Variants in LRRCC1 observed in about 807,000 individuals in gnomAD.
LRRCC1 encodes the protein leucine-rich repeat and coiled-coil domain-containing protein 1.
LRRCC1 carries 115 observed loss-of-function variants against 126.0 expected under a neutral mutation model. That is an observed-to-expected ratio of 0.91 (90% CI 0.78 to 1.07). The LOEUF (loss-of-function observed/expected upper bound fraction) is 1.07. LRRCC1 is among the 50% of genes least tolerant of loss of function. The pLI is 0.00. For synonymous variants in LRRCC1, 400 were observed against 393.4 expected, an observed-to-expected ratio of 1.02 and a Z score of -0.20; for missense variants, 1,172 against 1,175.7, an observed-to-expected ratio of 1.00 and a Z score of 0.05.
At position 85,131,911 on chromosome 8, in the gene LRRCC1, GAA is replaced by G; in HGVS notation, c.1921_1922del (p.Asn641Ter). ...DVLSQQYMDL[E>X]NEFRIALTVE... ...GTTAAGCCAGCAGTATATGGATTTA[GAA>G]AATGAATTCCGTATTGCTTTAACTG... is the stretch of plus-strand genomic sequence containing the variant. On this transcript the variant is annotated frameshift_variant, in exon 12 of 19. Transcript: ENST00000360375. LOFTEE classifies it high-confidence loss of function. The G allele has an allele frequency of 6.2e-7, 1 of 1,613,790 alleles. No homozygotes were observed. Among genetic ancestry groups the G allele is most frequent in the South Asian group, 1.1e-5 (1 of 91,008 alleles).
chr8:85,129,846 C>A, intron 10 of LRRCC1, 73 bp from the exon 11 acceptor site: 1 of 1,159,792 alleles, frequency 8.6e-7, no homozygotes, highest in Non-Finnish European at 1.2e-6. Flanking sequence ...TTAAAAGGTA[C>A]TTATGGAAAC....
At chr8:85,137,335 G>A (rs1226125243) in intron 14 of LRRCC1, 129 bp from the exon 15 acceptor site, 6 of 500,488 alleles carry the variant, frequency 1.2e-5, no homozygotes, top group African/African-American at 2.0e-5. Context: ...TCTTCATATT[G>A]TACTATTATA....
At chr8:85,131,681 A>T in intron 11 of LRRCC1, 79 bp from the exon 12 acceptor site, 1 of 1,065,090 alleles carries the variant, frequency 9.4e-7, no homozygotes, top group Non-Finnish European at 1.4e-6. Flanking sequence ...ATAGAATATT[A>T]AGAACTACGT....
In LRRCC1 at chr8:85,129,515, C is replaced by T. The variant is rs927237353; in HGVS notation, c.1626+136C>T. 1.8e-4 allele frequency: 126 copies of T among 701,652 alleles called. No individual in the cohort carries two copies. The African/African-American group carries it at 2.0e-3, about 11-fold the overall frequency. 43.5% of individuals were successfully genotyped at this position (701,652 alleles called of 1,614,324 possible). On this transcript the variant is annotated intron_variant, in intron 10 of 18. Coordinates refer to ENST00000360375, the MANE Select transcript of LRRCC1 (RefSeq NM_033402.5). ...AAAAATTAAATTGCTGTTAATTTAACGGTCACATAGCCTGTTGAATTATGT... is the reference window on the plus strand; with the variant it reads ...AAAAATTAAATTGCTGTTAATTTAATGGTCACATAGCCTGTTGAATTATGT...
At position 85,124,910 on chromosome 8, in the gene LRRCC1, C is replaced by A; in HGVS notation, c.1243C>A (p.Gln415Lys). The A allele has an allele frequency of 6.2e-7, 1 of 1,603,330 alleles. No individual in the cohort carries two copies. The change falls in exon 8 of 19, where the codon CAA becomes AAA. Residue 415 changes from glutamine (Q) to lysine (K), a missense_variant. Physicochemically the swap from Gln to Lys is moderately conservative, Grantham distance 53. Transcript: ENST00000360375. Reference sequence around the variant, plus strand: ...AAAGACTGAAATAATTAAAGTAGACCAAAGTCACTCAGAAGACAACACTTA... The same window carrying A: ...AAAGACTGAAATAATTAAAGTAGACAAAAGTCACTCAGAAGACAACACTTA... ...KPKTEIIKVD[Q>K]SHSEDNTYQS...
rs555420271 is a variant in LRRCC1 at position 85,109,747 on chromosome 8, T to C, written c.257T>C (p.Leu86Pro). ...QISRIEGLNT[L>P]TKLCTLNLSC... is the part of the protein sequence containing the mutation. Reference sequence around the variant, plus strand: ...AGTAGAATTGAAGGACTAAACACACTGACAAAACTGTGCACATTAAATTTG... The same window carrying C: ...AGTAGAATTGAAGGACTAAACACACCGACAAAACTGTGCACATTAAATTTG... The change falls in exon 2 of 19, where the codon CTG becomes CCG. Residue 86 changes from leucine to proline, a missense_variant. Transcript: ENST00000360375. 17 of 1,599,898 alleles carry C rather than the reference T, an allele frequency of 1.1e-5. No homozygotes were observed. The highest frequency in any genetic ancestry group is 1.7e-5 in the Admixed American group (1 of 58,722).
Position 85,113,439 on chromosome 8 carries a change from G to A in LRRCC1, c.544+340G>A, listed in dbSNP as rs560000857. On this transcript the variant is annotated intron_variant, in intron 4 of 18. Transcript: ENST00000360375. ...TCTTTTTCTACTAATGGACAATTATGTCCAAGATACATTAAGAGGAAGAAA... is the reference window on the plus strand; with the variant it reads ...TCTTTTTCTACTAATGGACAATTATATCCAAGATACATTAAGAGGAAGAAA... Among the ~76,000 whole-genome samples, 22 of 152,138 alleles carry A rather than the reference G, an allele frequency of 1.4e-4. No homozygotes were observed. In the South Asian group the frequency reaches 4.6e-3, roughly 32 times the overall value.
At chr8:85,110,042 G>T in intron 2 of LRRCC1, 73 bp from the exon 3 acceptor site, 1 of 680,250 alleles carries the variant, frequency 1.5e-6, no homozygotes. Flanking sequence ...AAATAACATT[G>T]TAATGCTATA....
At chr8:85,127,852 T>A (rs774515206) in intron 9 of LRRCC1, among the ~76,000 whole-genome samples, 3 of 152,222 alleles carry the variant, frequency 2.0e-5, no homozygotes, top group Admixed American at 6.5e-5. Context: ...GTTTTATAAA[T>A]GTCTGTCTGA....
chr8:85,135,757 T>C, intron 13 of LRRCC1, 32 bp from the exon 14 acceptor site: 1 of 1,238,746 alleles, frequency 8.1e-7, no homozygotes, highest in Non-Finnish European at 1.0e-6. Context: ...CTTAATATAA[T>C]AATTCTTATT....
intron 17 of LRRCC1, 64 bp downstream of exon 17, chr8:85,138,539 A>ATACG (rs1013147374): frequency 6.7e-7 from 1 of 1,483,520 alleles, no homozygotes; most frequent in Non-Finnish European, 9.1e-7. Flanking sequence ...AATGGGTGAA[A>ATACG]TACGTATAAA....
intron 17 of LRRCC1, 97 bp downstream of exon 17, chr8:85,138,572 T>G: frequency 1.6e-6 from 2 of 1,221,424 alleles, no homozygotes; most frequent in Non-Finnish European, 2.3e-6. Context: ...AAAAATCATG[T>G]AAGACATAGT....
Position 85,138,398 on chromosome 8 carries a change from A to G in LRRCC1, c.2763A>G (p.Val921=), listed in dbSNP as rs1268680705. Residue 921 remains valine (V), a synonymous_variant, in exon 17 of 19, where the codon GTA becomes GTG. Transcript: ENST00000360375. The part of the protein sequence containing the change: ...GELLCHLETQ[V]KEVKEKFENK... ...TTCTATGTCATCTTGAAACACAAGTAAAAGAAGTGAAAGAAAAATTTGAAA... is the reference window on the plus strand; with the variant it reads ...TTCTATGTCATCTTGAAACACAAGTGAAAGAAGTGAAAGAAAAATTTGAAA... The G allele has an allele frequency of 1.9e-6, 3 of 1,612,290 alleles. No individual in the cohort carries two copies. The highest frequency in any genetic ancestry group is 1.7e-5 in the Admixed American group (1 of 59,890).
chr8:85,145,117 G>GTGTA (rs1554679351), intron 18 of LRRCC1, among the ~76,000 whole-genome samples: 108 of 143,370 alleles, frequency 7.5e-4, no homozygotes, highest in African/African-American at 2.6e-3. Context: ...ATATATGTGT[G>GTGTA]TATATATATA....
chr8:85,128,122 A>G (rs117541975), intron 9 of LRRCC1, among the ~76,000 whole-genome samples: 1,613 of 152,182 alleles, frequency 0.011, 23 homozygotes, highest in East Asian at 0.061. Flanking sequence ...TTTAATTTCA[A>G]TTTAGTTCCA....
intron 9 of LRRCC1, among the ~76,000 whole-genome samples, chr8:85,127,852 T>C (rs774515206): frequency 6.6e-6 from 1 of 152,222 alleles, no homozygotes; most frequent in Non-Finnish European, 1.5e-5. Context: ...GTTTTATAAA[T>C]GTCTGTCTGA....
chr8:85,112,657 A>G (rs375607555), intron 3 of LRRCC1, among the ~76,000 whole-genome samples: 1 of 152,224 alleles, frequency 6.6e-6, no homozygotes, highest in African/African-American at 2.4e-5. Context: ...GAGTGTGTGC[A>G]TCCACCTGGG....
At chr8:85,136,045 A>G in intron 14 of LRRCC1, 82 bp downstream of exon 14, 1 of 1,196,486 alleles carries the variant, frequency 8.4e-7, no homozygotes, top group Non-Finnish European at 1.1e-6. Flanking sequence ...AAAAGACTCA[A>G]CTCTGCCTAA....
At chr8:85,107,630 ACT>A in intron 1 of LRRCC1, 1 of 412,358 alleles carries the variant, frequency 2.4e-6, no homozygotes, top group Non-Finnish European at 4.4e-6. Context: ...GTTTCACACG[ACT>A]CTGCTTAGCC....
Sources: allele counts gnomAD v4.1 joint callset (sites outside exome capture counted in the v4.1 genomes callset), GRCh38; gene constraint gnomAD v4.1.1; transcripts MANE v1.5; gene names NCBI Gene and HGNC (gene_info 2026-07-23, HGNC 2026-07-21).